The following CSMD1 variants were observed in gnomAD, a reference collection of about 807,000 sequenced individuals.
CSMD1 encodes CUB and Sushi multiple domains 1.
Under a neutral mutation model 417.5 loss-of-function variants are expected in CSMD1, and 213 were observed. That is an observed-to-expected ratio of 0.51 (90% CI 0.46 to 0.57). The LOEUF (loss-of-function observed/expected upper bound fraction) is 0.57. Among genes scored for constraint, CSMD1 ranks in the 20% least tolerant of loss-of-function variants. The probability of loss-of-function intolerance (pLI) is 0.00; values close to 1 mark genes in which losing one functional copy is unlikely to be tolerated. For synonymous variants in CSMD1, 2,862 were observed against 1,736.8 expected, an observed-to-expected ratio of 1.65 and a Z score of -16.11; for missense variants, 6,923 against 4,529.7, an observed-to-expected ratio of 1.53 and a Z score of -15.17.
chr8:3,781,252 G>A (rs1159545411), intron 5 of CSMD1, among the ~76,000 whole-genome samples: 2 of 152,152 alleles, frequency 1.3e-5, no homozygotes, highest in Admixed American at 1.3e-4. Context: ...GAATCAGAAT[G>A]TGCACTACCA....
In CSMD1 at chr8:3,573,285, T is replaced by A. The variant is rs1170847759; in HGVS notation, c.1344+1660A>T. On this transcript the variant is annotated intron_variant, in intron 10 of 69. Coordinates refer to ENST00000635120, the MANE Select transcript of CSMD1 (RefSeq NM_033225.6). The stretch of plus-strand genomic sequence containing the variant: ...GCAACTACTAAGTGGCAGAGCTGGT[T>A]CTTAAAGTGATGATTGCAAGTACTG... Among the ~76,000 whole-genome samples the A allele has an allele frequency of 3.3e-5, 5 of 152,192 alleles. 1 individual carries two copies. In the South Asian group the frequency reaches 6.2e-4, roughly 19 times the overall value.
intron 2 of CSMD1, among the ~76,000 whole-genome samples, chr8:4,566,920 T>G (rs993755707): frequency 6.6e-6 from 1 of 152,214 alleles, no homozygotes; most frequent in African/African-American, 2.4e-5. Flanking sequence ...AATTCAGGAA[T>G]GAACTAAAAC....
At chr8:3,929,207 A>G (rs567267936) in intron 5 of CSMD1, among the ~76,000 whole-genome samples, 8 of 150,484 alleles carry the variant, frequency 5.3e-5, no homozygotes, top group South Asian at 4.3e-4. Flanking sequence ...GCCTCTGCAC[A>G]TGGTTTCTCT....
At chr8:4,954,850 G>C (rs1041056239) in intron 1 of CSMD1, among the ~76,000 whole-genome samples, 2 of 152,160 alleles carry the variant, frequency 1.3e-5, no homozygotes, top group Non-Finnish European at 2.9e-5. Flanking sequence ...GTGTTGACAA[G>C]ATTACACATA....
At chr8:3,603,153 G>C (rs112242999) in intron 8 of CSMD1, among the ~76,000 whole-genome samples, 2,858 of 152,176 alleles carry the variant, frequency 0.019, 42 homozygotes, top group Admixed American at 0.054. Flanking sequence ...TATTGTTTGT[G>C]GTATTTCTTA....
chr8:4,681,823 T>C (rs1806070965), intron 1 of CSMD1, among the ~76,000 whole-genome samples: 2 of 152,196 alleles, frequency 1.3e-5, no homozygotes, highest in Non-Finnish European at 2.9e-5. Flanking sequence ...ATAAAACCTC[T>C]GATAACCTCC....
chr8:4,188,663 A>C (rs576342817), intron 3 of CSMD1, among the ~76,000 whole-genome samples: 10 of 152,134 alleles, frequency 6.6e-5, no homozygotes, highest in Non-Finnish European at 1.3e-4. Context: ...AACTCTCATA[A>C]AACAGTCTAG....
chr8:3,521,868 G>T (rs544053983), intron 10 of CSMD1, among the ~76,000 whole-genome samples: 24 of 152,208 alleles, frequency 1.6e-4, no homozygotes, highest in African/African-American at 5.3e-4. Flanking sequence ...TAATACCGCG[G>T]AACAGTTTGA....
At position 2,966,605 on chromosome 8, in the gene CSMD1, T is replaced by G; in HGVS notation, c.9065A>C (p.Asn3022Thr). The part of the protein sequence containing the change: ...SGLMTRHCTA[N>T]GTWTGTAPDC... ...GGGAGCAGTGCCTGTCCAGGTCCCA[T>G]TGGCTGTGCAATGCCGTGTCATGAG... Residue 3022 changes from asparagine (N) to threonine (T), a missense_variant, in exon 58 of 70, where the codon AAT (asparagine) becomes ACT (threonine). Physicochemically the swap from Asn to Thr is moderately conservative, Grantham distance 65 (BLOSUM62 0). Coordinates refer to ENST00000635120, the MANE Select transcript of CSMD1 (RefSeq NM_033225.6). 1 of 1,613,816 alleles carries G rather than the reference T, an allele frequency of 6.2e-7. No individual in the cohort carries two copies. Among genetic ancestry groups the G allele is most frequent in the Non-Finnish European group, 8.5e-7 (1 of 1,179,798 alleles).
At chr8:4,030,770 T>C (rs1034443081) in intron 4 of CSMD1, among the ~76,000 whole-genome samples, 2 of 152,212 alleles carry the variant, frequency 1.3e-5, no homozygotes, top group African/African-American at 4.8e-5. Flanking sequence ...GCAAAGTTCA[T>C]GAACTTTTAT....
chr8:2,964,865 C>A (rs981070684), intron 59 of CSMD1, among the ~76,000 whole-genome samples: 1 of 152,138 alleles, frequency 6.6e-6, no homozygotes, highest in African/African-American at 2.4e-5. Context: ...TAAGCCTCTG[C>A]CACATTTAAC....
chr8:3,024,267 A>C (rs549287644), intron 51 of CSMD1, among the ~76,000 whole-genome samples: 1 of 142,516 alleles, frequency 7.0e-6, no homozygotes, highest in East Asian at 2.2e-4. Flanking sequence ...TGTAGATCCC[A>C]GATAATGTTT....
chr8:4,730,843 A>T (rs1022409897), intron 1 of CSMD1, among the ~76,000 whole-genome samples: 5 of 152,192 alleles, frequency 3.3e-5, no homozygotes, highest in Non-Finnish European at 5.9e-5. Flanking sequence ...CTTTATCTAA[A>T]GAAATAAGAG....
chr8:3,116,104 T>C (rs1416240137), intron 42 of CSMD1, among the ~76,000 whole-genome samples: 1 of 152,198 alleles, frequency 6.6e-6, no homozygotes, highest in African/African-American at 2.4e-5. Context: ...AACGACTTTT[T>C]TAAGAAATAT....
chr8:3,957,665 T>A (rs895714996), intron 5 of CSMD1, among the ~76,000 whole-genome samples: 1 of 150,974 alleles, frequency 6.6e-6, no homozygotes, highest in African/African-American at 2.4e-5. Flanking sequence ...GCCTGGGCTA[T>A]TAACAGAGCA....
chr8:3,805,561 G>T (rs926007659), intron 5 of CSMD1, among the ~76,000 whole-genome samples: 1 of 152,104 alleles, frequency 6.6e-6, no homozygotes, highest in African/African-American at 2.4e-5. Flanking sequence ...TTGTTTGTTT[G>T]CAAGAAACAG....
chr8:3,479,915 A>C (rs1455693093), intron 11 of CSMD1, among the ~76,000 whole-genome samples: 3 of 152,250 alleles, frequency 2.0e-5, no homozygotes, highest in Non-Finnish European at 4.4e-5. Flanking sequence ...ATGAACTAAA[A>C]GGAAATTATG....
intron 2 of CSMD1, among the ~76,000 whole-genome samples, chr8:4,552,120 C>G (rs1234406133): frequency 6.6e-6 from 1 of 152,162 alleles, no homozygotes; most frequent in African/African-American, 2.4e-5. Context: ...AATGGGGTGT[C>G]TTAGAAGGCA....
At chr8:3,719,869 T>C (rs1471118947) in intron 6 of CSMD1, among the ~76,000 whole-genome samples, 1 of 152,188 alleles carries the variant, frequency 6.6e-6, no homozygotes, top group East Asian at 1.9e-4. Flanking sequence ...AAAGACTTAA[T>C]CATTGTTCTG....
Sources: gnomAD v4.1 joint callset for allele counts (sites outside exome capture counted in the v4.1 genomes callset) on GRCh38, gnomAD v4.1.1 for gene constraint, MANE v1.5 for transcripts, NCBI Gene and HGNC (gene_info 2026-07-23, HGNC 2026-07-21) for gene names.